Variants in GALNT11 observed in about 807,000 individuals in gnomAD.
GALNT11 encodes the protein polypeptide N-acetylgalactosaminyltransferase 11, also known as UDP-GalNAc:polypeptide N-acetylgalactosaminyltransferase 11.
A neutral mutation model predicts 72.7 loss-of-function variants in GALNT11; 47 were observed. The observed-to-expected ratio is 0.65, with a 90% CI of 0.51 to 0.82. The LOEUF (loss-of-function observed/expected upper bound fraction) is 0.82, where lower values mean the gene tolerates loss of function less well. Among genes scored for constraint, GALNT11 ranks in the 40% least tolerant of loss-of-function variants. The pLI is 0.00. For missense variants in GALNT11, 677 were observed against 778.4 expected, an observed-to-expected ratio of 0.87 and a Z score of 1.55; for synonymous variants, 270 against 286.6, an observed-to-expected ratio of 0.94 and a Z score of 0.58.
chr7:152,026,987 C>T (rs756989029), intron 1 of GALNT11, among the ~76,000 whole-genome samples: 4 of 152,206 alleles, frequency 2.6e-5, no homozygotes, highest in African/African-American at 9.6e-5. Flanking sequence ...CGGTGGCTCA[C>T]GCCTGTAATC....
At chr7:152,070,053 G>A (rs1053802064) in intron 1 of GALNT11, among the ~76,000 whole-genome samples, 1 of 148,154 alleles carries the variant, frequency 6.7e-6, no homozygotes, top group African/African-American at 2.6e-5. Flanking sequence ...CTGGAGAGCA[G>A]TGGTGTGATC....
chr7:152,108,439 AT>A, intron 6 of GALNT11, 152 bp downstream of exon 6: 2 of 1,192,810 alleles, frequency 1.7e-6, no homozygotes, highest in Non-Finnish European at 2.3e-6. Flanking sequence ...ATTGAATTTT[AT>A]GCAGTCTGCC....
intron 4 of GALNT11, 153 bp downstream of exon 4, chr7:152,103,431 A>G: frequency 1.4e-6 from 1 of 699,694 alleles, no homozygotes; most frequent in Non-Finnish European, 2.2e-6. Flanking sequence ...GTCTGAAGAA[A>G]TCCATTATCT....
chr7:152,026,933 C>T (rs935940548), intron 1 of GALNT11, among the ~76,000 whole-genome samples: 8 of 152,234 alleles, frequency 5.3e-5, no homozygotes, highest in African/African-American at 7.2e-5. Flanking sequence ...ACACTCATTT[C>T]GCTCAGAATA....
intron 8 of GALNT11, among the ~76,000 whole-genome samples, chr7:152,114,140 T>A (rs2088590330): frequency 6.6e-6 from 1 of 152,128 alleles, no homozygotes; most frequent in African/African-American, 2.4e-5. Flanking sequence ...ACATTTAGAA[T>A]TACTTCCCAC....
At chr7:152,066,830 A>C (rs1265635800) in intron 1 of GALNT11, among the ~76,000 whole-genome samples, 1 of 152,242 alleles carries the variant, frequency 6.6e-6, no homozygotes, top group Non-Finnish European at 1.5e-5. Context: ...CTTGTGTCCC[A>C]AAACAATTAC....
Position 152,115,567 on chromosome 7 carries a change from A to G in GALNT11, c.1234-1590A>G, listed in dbSNP as rs950484264. On this transcript the variant is annotated intron_variant, in intron 8 of 11. Coordinates refer to ENST00000430044, the MANE Select transcript of GALNT11 (RefSeq NM_022087.4). ...TGGGCGGAGCTAGCGGCTGCTCTCCAGAACACTCTTTTTATATGTTAAGAC... is the reference window on the plus strand; with the variant it reads ...TGGGCGGAGCTAGCGGCTGCTCTCCGGAACACTCTTTTTATATGTTAAGAC... 5.9e-5 allele frequency among the ~76,000 whole-genome samples: 9 copies of G among 152,346 alleles called. No homozygotes were observed. In the South Asian group the frequency reaches 6.2e-4, roughly 11 times the overall value.
intron 1 of GALNT11, among the ~76,000 whole-genome samples, chr7:152,060,921 A>C (rs372460971): frequency 2.0e-5 from 3 of 150,480 alleles, no homozygotes; most frequent in Non-Finnish European, 3.0e-5. Context: ...GTGAATAGTG[A>C]CACAATAAAC....
intron 1 of GALNT11, among the ~76,000 whole-genome samples, chr7:152,085,168 T>C (rs549205201): frequency 1.3e-5 from 2 of 152,298 alleles, no homozygotes; most frequent in South Asian, 2.1e-4. Context: ...GCATATACCT[T>C]GCCCCATTCC....
intron 4 of GALNT11, 34 bp from the exon 5 acceptor site, chr7:152,105,211 T>C: frequency 1.2e-6 from 2 of 1,604,294 alleles, no homozygotes; most frequent in East Asian, 2.2e-5. Flanking sequence ...ATATGTCTCA[T>C]ACAGTTTGAA....
chr7:152,110,166 A>G (rs1223785222), intron 6 of GALNT11, among the ~76,000 whole-genome samples: 1 of 152,144 alleles, frequency 6.6e-6, no homozygotes, highest in Non-Finnish European at 1.5e-5. Flanking sequence ...CCAACGTGTG[A>G]TGTTTGTCAG....
rs1366983068 is a variant in GALNT11 at position 152,033,164 on chromosome 7, T to C, written c.-39+7280T>C. On this transcript the variant is annotated intron_variant, in intron 1 of 11. Coordinates refer to ENST00000430044, the MANE Select transcript of GALNT11 (RefSeq NM_022087.4). ...GGGCTTCTGACCCAGAGAACCTTTG[T>C]CCTCCGGGGCAGTGCGCCTTCCAGT... Among the ~76,000 whole-genome samples, 6 of 152,300 alleles carry C rather than the reference T, an allele frequency of 3.9e-5. No individual in the cohort carries two copies. In the East Asian group the frequency reaches 9.6e-4, roughly 24 times the overall value.
chr7:152,027,241 T>TC (rs1489879646), intron 1 of GALNT11, among the ~76,000 whole-genome samples: 1 of 152,182 alleles, frequency 6.6e-6, no homozygotes, highest in Non-Finnish European at 1.5e-5. Context: ...AGAGCGAGAC[T>TC]CCATCTCAAA....
chr7:152,034,309 T>A lies in GALNT11; in HGVS notation c.-39+8425T>A, dbSNP rs10259064. Among the ~76,000 whole-genome samples the A allele has an allele frequency of 7.4e-3, 1,125 of 152,274 alleles. 16 individuals carry two copies. The highest frequency in any genetic ancestry group is 0.026 in the African/African-American group (1,085 of 41,552). On this transcript the variant is annotated intron_variant, in intron 1 of 11. Coordinates refer to ENST00000430044, the MANE Select transcript of GALNT11 (RefSeq NM_022087.4). ...ACTTTGCATAGTTGTGTATTCTCCT[T>A]CAATGAAAAGAAAGCTTGGACATAA...
At chr7:152,111,910 C>T (rs2088260180) in intron 7 of GALNT11, among the ~76,000 whole-genome samples, 1 of 152,112 alleles carries the variant, frequency 6.6e-6, no homozygotes. Context: ...TACCATCACC[C>T]CATGTATAGC....
intron 1 of GALNT11, among the ~76,000 whole-genome samples, chr7:152,068,087 C>T (rs1045418385): frequency 6.6e-6 from 1 of 152,122 alleles, no homozygotes; most frequent in Non-Finnish European, 1.5e-5. Flanking sequence ...CAGGCCCCAC[C>T]TCCAGCACTG....
rs767931776 is a variant in GALNT11 at position 152,113,229 on chromosome 7, T to C, written c.1081-17T>C. On this transcript the variant is annotated splice_polypyrimidine_tract_variant and intron_variant, in intron 7 of 11. Transcript: ENST00000430044. The stretch of plus-strand genomic sequence containing the variant: ...AACATGAGGCAACTGTTAACACCTG[T>C]TTTTGCTTCTGGCCAGATCTGGATG... 3.1e-6 allele frequency: 5 copies of C among 1,596,736 alleles called. No individual in the cohort carries two copies. The highest frequency in any genetic ancestry group is 4.3e-6 in the Non-Finnish European group (5 of 1,172,138).
chr7:152,120,478 T>G (rs1352845526), intron 10 of GALNT11: 1 of 209,060 alleles, frequency 4.8e-6, no homozygotes, highest in Non-Finnish European at 9.6e-6. Context: ...TGCCCTTCTG[T>G]CTCCAGAGGG....
chr7:152,051,815 G>A (rs116205247), intron 1 of GALNT11, among the ~76,000 whole-genome samples: 9 of 152,320 alleles, frequency 5.9e-5, no homozygotes, highest in African/African-American at 1.9e-4. Flanking sequence ...TTATCAAGCA[G>A]TAAGTGTCTG....
Sources: allele counts gnomAD v4.1 joint callset (sites outside exome capture counted in the v4.1 genomes callset), GRCh38; gene constraint gnomAD v4.1.1; transcripts MANE v1.5; gene names NCBI Gene and HGNC (gene_info 2026-07-23, HGNC 2026-07-21).